The following MICU1 variants were observed in gnomAD, a reference collection of about 807,000 sequenced individuals.
MICU1 encodes the protein mitochondrial calcium uptake 1.
MICU1 carries 45 observed loss-of-function variants against 56.8 expected under a neutral mutation model. The ratio of observed to expected loss-of-function variants is 0.79; its 90% CI spans 0.62 to 1.02. MICU1 has a LOEUF of 1.02. Ranked by LOEUF, MICU1 falls within the 50% of genes least tolerant of loss-of-function variation. The probability of loss-of-function intolerance (pLI) is 0.00; values close to 1 mark genes in which losing one functional copy is unlikely to be tolerated. For synonymous variants in MICU1, 186 were observed against 195.1 expected, an observed-to-expected ratio of 0.95 and a Z score of 0.39; for missense variants, 504 against 587.1, an observed-to-expected ratio of 0.86 and a Z score of 1.46.
intron 10 of MICU1, among the ~76,000 whole-genome samples, chr10:72,397,518 G>GTGC (rs1863308742): frequency 6.6e-6 from 1 of 152,204 alleles, no homozygotes; most frequent in South Asian, 2.1e-4. Context: ...ATGCATCAGT[G>GTGC]TGCTGTATTT....
rs1169762764 is a variant in MICU1 at position 72,585,094 on chromosome 10, GT to G, written c.-1-18301del. Reference sequence around the variant, plus strand: ...TCTTTGGTTTTAGGTTTTTTTTTTTGTTTTTTTTTTTGAGACAGAGTTTCCC... The same window carrying G: ...TCTTTGGTTTTAGGTTTTTTTTTTTGTTTTTTTTTTGAGACAGAGTTTCCC... On this transcript the variant is annotated intron_variant, in intron 1 of 11. Coordinates refer to ENST00000361114, the MANE Select transcript of MICU1 (RefSeq NM_001195518.2). Among the ~76,000 whole-genome samples the G allele has an allele frequency of 1.8e-4, 24 of 133,378 alleles. No homozygotes were observed. In the South Asian group the frequency reaches 2.6e-3, roughly 15 times the overall value. 87.5% of individuals were successfully genotyped at this position (133,378 alleles called of 152,430 possible).
At chr10:72,491,957 G>C (rs1398030236) in intron 6 of MICU1, among the ~76,000 whole-genome samples, 1 of 152,092 alleles carries the variant, frequency 6.6e-6, no homozygotes, top group Non-Finnish European at 1.5e-5. Flanking sequence ...AAAACCATTA[G>C]AGGGCTTAAT....
At chr10:72,421,171 A>T (rs1262326604) in intron 9 of MICU1, among the ~76,000 whole-genome samples, 6 of 151,092 alleles carry the variant, frequency 4.0e-5, no homozygotes, top group Admixed American at 1.3e-4. Flanking sequence ...ATGAGGACTG[A>T]CCTTTTAACT....
chr10:72,510,570 A>G (rs368685361), intron 5 of MICU1, among the ~76,000 whole-genome samples: 18 of 152,202 alleles, frequency 1.2e-4, no homozygotes, highest in African/African-American at 4.3e-4. Flanking sequence ...CTGATACATA[A>G]TTTATAGCAC....
rs1841821009 is a variant in MICU1, at chr10:72,610,715, CCTT to C, written c.-2+15292_-2+15294del. Among the ~76,000 whole-genome samples the C allele has an allele frequency of 2.0e-5, 3 of 152,290 alleles. No individual in the cohort carries two copies. In the South Asian group the frequency reaches 6.2e-4, roughly 32 times the overall value. ...ACACACAGACATCACTGTCCTCCCACCTTCTGTCTTTGCCAAACCCTATTGGAT... is the reference window on the plus strand; with the variant it reads ...ACACACAGACATCACTGTCCTCCCACCTGTCTTTGCCAAACCCTATTGGAT... On this transcript the variant is annotated intron_variant, in intron 1 of 11. Transcript: ENST00000361114.
At chr10:72,566,839 A>C in intron 1 of MICU1, 45 bp from the exon 2 acceptor site, 2 of 1,152,652 alleles carry the variant, frequency 1.7e-6, no homozygotes, top group Non-Finnish European at 2.4e-6. Context: ...AGTGGTAGTT[A>C]TGATGATGAT....
At chr10:72,400,412 T>A (rs578090688) in intron 10 of MICU1, among the ~76,000 whole-genome samples, 1 of 152,126 alleles carries the variant, frequency 6.6e-6, no homozygotes, top group Non-Finnish European at 1.5e-5. Flanking sequence ...AAAGAAGGTA[T>A]GCAAAAATAA....
chr10:72,464,065 G>T (rs1477181712), intron 8 of MICU1, among the ~76,000 whole-genome samples: 1 of 152,118 alleles, frequency 6.6e-6, no homozygotes, highest in Admixed American at 6.5e-5. Flanking sequence ...GGAGGCTGGG[G>T]CGAGTGGATC....
intron 8 of MICU1, among the ~76,000 whole-genome samples, chr10:72,427,255 T>C (rs1016939615): frequency 2.6e-5 from 4 of 152,218 alleles, no homozygotes; most frequent in African/African-American, 9.6e-5. Flanking sequence ...GCCAAAAAAC[T>C]GCAAGGTTTT....
Position 72,466,263 on chromosome 10 carries a change from C to T in MICU1, c.933+8837G>A, listed in dbSNP as rs370667252. ...GACAAAGAGGTCATTCATGTCCCCG[C>T]GGAACAAGTGGGACCTCATGAGATT... is the stretch of plus-strand genomic sequence containing the variant. On this transcript the variant is annotated intron_variant, in intron 8 of 11. Transcript: ENST00000361114. Among the ~76,000 whole-genome samples, 202 of 152,224 alleles carry T rather than the reference C, an allele frequency of 1.3e-3. 1 individual carries two copies. The highest frequency in any genetic ancestry group is 4.6e-3 in the African/African-American group (192 of 41,526).
At chr10:72,466,329 G>A (rs1158528144) in intron 8 of MICU1, among the ~76,000 whole-genome samples, 2 of 140,450 alleles carry the variant, frequency 1.4e-5, no homozygotes, top group Admixed American at 6.8e-5. Flanking sequence ...TGAAACTTAT[G>A]AACTGTTTAT....
At chr10:72,593,175 A>C (rs1392859510) in intron 1 of MICU1, among the ~76,000 whole-genome samples, 4 of 152,214 alleles carry the variant, frequency 2.6e-5, no homozygotes, top group African/African-American at 4.8e-5. Context: ...CCCAGAGCAC[A>C]CATTGCACTC....
intron 8 of MICU1, among the ~76,000 whole-genome samples, chr10:72,441,849 C>A (rs1481649860): frequency 6.6e-6 from 1 of 151,956 alleles, no homozygotes; most frequent in Non-Finnish European, 1.5e-5. Flanking sequence ...AACTCCTGTA[C>A]TCAAGTGATC....
intron 10 of MICU1, among the ~76,000 whole-genome samples, chr10:72,400,964 A>G (rs1397587433): frequency 6.6e-6 from 1 of 151,300 alleles, no homozygotes; most frequent in Non-Finnish European, 1.5e-5. Flanking sequence ...TGGAAATGCT[A>G]TTATTATTAT....
chr10:72,381,864 A>G (rs2132047937), intron 10 of MICU1, among the ~76,000 whole-genome samples: 1 of 152,114 alleles, frequency 6.6e-6, no homozygotes, highest in South Asian at 2.1e-4. Flanking sequence ...ACAAAGGGCT[A>G]GCATTTCTGC....
chr10:72,399,898 C>T (rs1863396353), intron 10 of MICU1, among the ~76,000 whole-genome samples: 1 of 152,172 alleles, frequency 6.6e-6, no homozygotes, highest in Non-Finnish European at 1.5e-5. Flanking sequence ...GCTGAGGTTG[C>T]AGTGAGCTGA....
intron 1 of MICU1, among the ~76,000 whole-genome samples, chr10:72,594,137 A>G (rs937409129): frequency 3.3e-5 from 5 of 152,266 alleles, no homozygotes; most frequent in African/African-American, 1.2e-4. Flanking sequence ...GAGCAATCCA[A>G]AACAGTGTAG....
At chr10:72,619,726 A>T (rs1435862199) in intron 1 of MICU1, among the ~76,000 whole-genome samples, 1 of 152,366 alleles carries the variant, frequency 6.6e-6, no homozygotes, top group East Asian at 1.9e-4. Flanking sequence ...CTGAGGGTAG[A>T]GGGAGGTTCT....
chr10:72,387,268 G>A (rs1316874226), intron 10 of MICU1, among the ~76,000 whole-genome samples: 3 of 152,152 alleles, frequency 2.0e-5, no homozygotes, highest in African/African-American at 4.8e-5. Flanking sequence ...CCTGCTCAAG[G>A]AGTCAAAGGA....
Sources: gnomAD v4.1 joint callset for allele counts (sites outside exome capture counted in the v4.1 genomes callset) on GRCh38, gnomAD v4.1.1 for gene constraint, MANE v1.5 for transcripts, NCBI Gene and HGNC (gene_info 2026-07-23, HGNC 2026-07-21) for gene names.